Variants in MDGA2 observed in about 807,000 individuals in gnomAD.
The protein encoded by MDGA2 is MAM domain-containing glycosylphosphatidylinositol anchor protein 2.
In MDGA2, 40 loss-of-function variants were observed where a neutral mutation model predicts 117.8. The ratio of observed to expected loss-of-function variants is 0.34; its 90% CI spans 0.26 to 0.44. The LOEUF (loss-of-function observed/expected upper bound fraction) is 0.44. Among genes scored for constraint, MDGA2 ranks in the 20% least tolerant of loss-of-function variants. The pLI is 1.00. For synonymous variants in MDGA2, 452 were observed against 439.0 expected, an observed-to-expected ratio of 1.03 and a Z score of -0.37; for missense variants, 1,123 against 1,250.6, an observed-to-expected ratio of 0.90 and a Z score of 1.54.
intron 3 of MDGA2, among the ~76,000 whole-genome samples, chr14:47,183,746 TAGAGACTATACC>T (rs1383665067): frequency 6.6e-6 from 1 of 152,088 alleles, no homozygotes; most frequent in Non-Finnish European, 1.5e-5. Context: ...TTATTATTGT[TAGAGACTATACC>T]AGTATTTGAA....
Position 47,356,165 on chromosome 14 carries a change from G to A in MDGA2, c.281-54615C>T, listed in dbSNP as rs138621173. 5.3e-5 allele frequency among the ~76,000 whole-genome samples: 8 copies of A among 152,236 alleles called. 1 individual carries two copies. The highest frequency in any genetic ancestry group is 7.4e-5 in the Non-Finnish European group (5 of 68,002). On this transcript the variant is annotated intron_variant, in intron 1 of 16. Coordinates refer to ENST00000399232, the MANE Select transcript of MDGA2 (RefSeq NM_001113498.3). ...AGAAGAAAGCCCAGGAGCCCCTAGA[G>A]GACCCCTCCCCAGCACACACTTGTG... is the stretch of plus-strand genomic sequence containing the variant.
At chr14:47,168,132 C>T (rs1231475866) in intron 3 of MDGA2, among the ~76,000 whole-genome samples, 1 of 151,996 alleles carries the variant, frequency 6.6e-6, no homozygotes, top group African/African-American at 2.4e-5. Context: ...TATTTGACAA[C>T]TGCCTTCCCT....
chr14:47,177,293 A>T (rs551445928), intron 3 of MDGA2, among the ~76,000 whole-genome samples: 2,002 of 152,256 alleles, frequency 0.013, 47 homozygotes, highest in African/African-American at 0.045. Context: ...CAGCCATCCC[A>T]TTACTGGGTA....
At chr14:46,950,880 T>C (rs201690909) in intron 9 of MDGA2, among the ~76,000 whole-genome samples, 1 of 119,172 alleles carries the variant, frequency 8.4e-6, no homozygotes, top group Non-Finnish European at 1.6e-5. Context: ...CAGTCCAAAT[T>C]TAAAAAAAAA....
At chr14:47,414,844 A>G (rs1469283482) in intron 1 of MDGA2, among the ~76,000 whole-genome samples, 2 of 152,182 alleles carry the variant, frequency 1.3e-5, no homozygotes, top group Non-Finnish European at 2.9e-5. Flanking sequence ...AAAGAAAGAC[A>G]AAAGCAAGCA....
intron 2 of MDGA2, among the ~76,000 whole-genome samples, chr14:47,293,831 T>A (rs776784223): frequency 7.9e-5 from 12 of 152,196 alleles, no homozygotes; most frequent in Non-Finnish European, 1.3e-4. Flanking sequence ...CTTTGGTTGA[T>A]GCTGATACAC....
At chr14:47,129,038 T>G (rs1882051339) in intron 5 of MDGA2, among the ~76,000 whole-genome samples, 1 of 152,094 alleles carries the variant, frequency 6.6e-6, no homozygotes, top group Non-Finnish European at 1.5e-5. Flanking sequence ...TTTCTCTCAT[T>G]GTTCTTGTAT....
chr14:47,589,944 T>C (rs921409057), intron 1 of MDGA2, among the ~76,000 whole-genome samples: 4 of 152,000 alleles, frequency 2.6e-5, no homozygotes, highest in Admixed American at 6.6e-5. Context: ...GCAATTGCTT[T>C]CTTAATACCA....
intron 1 of MDGA2, among the ~76,000 whole-genome samples, chr14:47,670,574 A>G (rs1898056070): frequency 6.6e-6 from 1 of 152,156 alleles, no homozygotes; most frequent in African/African-American, 2.4e-5. Flanking sequence ...TTTCAAAACT[A>G]AGAAAATGCA....
At chr14:46,927,958 T>A (rs1484521449) in intron 9 of MDGA2, among the ~76,000 whole-genome samples, 2 of 152,144 alleles carry the variant, frequency 1.3e-5, no homozygotes, top group Non-Finnish European at 2.9e-5. Context: ...ATTAGTTAAA[T>A]AATAAAACTA....
At chr14:46,870,209 G>T (rs1019219096) in intron 14 of MDGA2, among the ~76,000 whole-genome samples, 4 of 151,842 alleles carry the variant, frequency 2.6e-5, no homozygotes, top group Admixed American at 2.6e-4. Flanking sequence ...GTAGGGTATT[G>T]CTCATTTCTG....
chr14:47,150,887 G>A (rs576695690), intron 3 of MDGA2, among the ~76,000 whole-genome samples: 74 of 142,880 alleles, frequency 5.2e-4, no homozygotes, highest in African/African-American at 1.9e-3. Context: ...TTGTGCCACT[G>A]TACTCCAGCC....
chr14:47,655,579 C>A (rs552096948), intron 1 of MDGA2, among the ~76,000 whole-genome samples: 1 of 152,058 alleles, frequency 6.6e-6, no homozygotes, highest in South Asian at 2.1e-4. Context: ...TTGTAGGAGT[C>A]TATGGCCTGA....
At chr14:47,178,160 G>A (rs1884552571) in intron 3 of MDGA2, among the ~76,000 whole-genome samples, 1 of 152,112 alleles carries the variant, frequency 6.6e-6, no homozygotes, top group African/African-American at 2.4e-5. Context: ...AAGGCATTAA[G>A]TAATATTAAA....
chr14:47,185,008 ATGAG>A (rs1205112959), intron 3 of MDGA2, among the ~76,000 whole-genome samples: 2 of 151,360 alleles, frequency 1.3e-5, no homozygotes, highest in African/African-American at 2.4e-5. Flanking sequence ...ATAGAAATAA[ATGAG>A]TAATATGCTA....
At chr14:47,197,349 C>T (rs902221067) in intron 3 of MDGA2, among the ~76,000 whole-genome samples, 3 of 151,974 alleles carry the variant, frequency 2.0e-5, no homozygotes, top group African/African-American at 7.3e-5. Flanking sequence ...CCCTTGCTGT[C>T]ACTCTCTGTT....
intron 1 of MDGA2, among the ~76,000 whole-genome samples, chr14:47,306,842 G>GGAGAGAGAGAGAGAGAGA (rs10629208): frequency 1.7e-4 from 25 of 146,704 alleles, no homozygotes; most frequent in African/African-American, 4.6e-4. Flanking sequence ...AGAGAAAGAG[G>GGAGAGAGAGAGAGAGAGA]GAGAGAGAGA....
At chr14:47,123,284 C>T (rs960676099) in intron 5 of MDGA2, among the ~76,000 whole-genome samples, 32 of 151,952 alleles carry the variant, frequency 2.1e-4, no homozygotes, top group African/African-American at 7.0e-4. Context: ...CAATGTAGGG[C>T]GATCTCAGCA....
rs67255552 is a variant in MDGA2, at chr14:47,370,468, G to GT, written c.281-68919dup. Reference sequence around the variant, plus strand: ...TTACTATTTTCTAGGTCTACTTACTGTTTTTTTTTTTTTTTTTTTTTTTTT... The same window carrying GT: ...TTACTATTTTCTAGGTCTACTTACTGTTTTTTTTTTTTTTTTTTTTTTTTTT... On this transcript the variant is annotated intron_variant, in intron 1 of 16. Transcript: ENST00000399232. Among the ~76,000 whole-genome samples the GT allele has an allele frequency of 1.5e-4, 3 of 20,684 alleles. 1 individual carries two copies. Among genetic ancestry groups the GT allele is most frequent in the Non-Finnish European group, 2.0e-4 (2 of 9,988 alleles). 13.6% of individuals were successfully genotyped at this position (20,684 alleles called of 152,430 possible).
Sources: allele counts gnomAD v4.1 joint callset (sites outside exome capture counted in the v4.1 genomes callset), GRCh38; gene constraint gnomAD v4.1.1; transcripts MANE v1.5; gene names NCBI Gene and HGNC (gene_info 2026-07-23, HGNC 2026-07-21).